The following PRTG variants were observed in gnomAD, a reference collection of about 807,000 sequenced individuals.
PRTG encodes immunoglobulin superfamily, DCC subclass, member 5.
PRTG carries 67 observed loss-of-function variants against 122.5 expected under a neutral mutation model. That is an observed-to-expected ratio of 0.55 (90% CI 0.45 to 0.67). PRTG has a LOEUF of 0.67. Among genes scored for constraint, PRTG ranks in the 30% least tolerant of loss-of-function variants. The probability of loss-of-function intolerance (pLI) is 0.00; values close to 1 mark genes in which losing one functional copy is unlikely to be tolerated. For missense variants in PRTG, 1,435 were observed against 1,415.4 expected, an observed-to-expected ratio of 1.01 and a Z score of -0.22; for synonymous variants, 554 against 501.1, an observed-to-expected ratio of 1.11 and a Z score of -1.41.
At position 55,743,091 on chromosome 15, in the gene PRTG, C is replaced by T. The variant is rs2141903190; in HGVS notation, c.-160G>A. 4 of 1,284,366 alleles carry T rather than the reference C, an allele frequency of 3.1e-6. No homozygotes were observed. The highest frequency in any genetic ancestry group is 3.9e-6 in the Non-Finnish European group (4 of 1,020,436). The allele number at this position is 1,284,366 out of a possible 1,614,324, so 79.6% of individuals were successfully genotyped here. ...GGCGAGCGTCTCTGCGGCGGCGAGG[C>T]TGGTGCTCGGACGGCCGCTCGCGAG... is the stretch of plus-strand genomic sequence containing the variant. On this transcript the variant is annotated 5_prime_UTR_variant, in exon 1 of 20. Transcript: ENST00000389286.
chr15:55,694,662 G>A (rs967074936), intron 2 of PRTG, among the ~76,000 whole-genome samples: 5 of 152,134 alleles, frequency 3.3e-5, no homozygotes, highest in African/African-American at 1.2e-4. Context: ...TCTTTTAAGT[G>A]AGGCATTAAA....
At chr15:55,623,490 C>T (rs1168176599) in intron 18 of PRTG, among the ~76,000 whole-genome samples, 2 of 152,034 alleles carry the variant, frequency 1.3e-5, no homozygotes, top group Non-Finnish European at 2.9e-5. Flanking sequence ...TCGCTCGAAC[C>T]GGGAGGTGGA....
At chr15:55,717,825 T>C (rs1326479404) in intron 2 of PRTG, among the ~76,000 whole-genome samples, 1 of 152,256 alleles carries the variant, frequency 6.6e-6, no homozygotes, top group Non-Finnish European at 1.5e-5. Context: ...CTGACTCTCT[T>C]TTGGGACTCA....
At chr15:55,688,409 T>C (rs982719765) in intron 2 of PRTG, among the ~76,000 whole-genome samples, 2 of 150,606 alleles carry the variant, frequency 1.3e-5, no homozygotes, top group Admixed American at 1.3e-4. Context: ...GATTATATCC[T>C]CTTTTAGTTT....
At chr15:55,729,680 T>G (rs2031163006) in intron 2 of PRTG, among the ~76,000 whole-genome samples, 1 of 152,162 alleles carries the variant, frequency 6.6e-6, no homozygotes, top group Non-Finnish European at 1.5e-5. Context: ...TTTTTTTAAT[T>G]CCATGATAGA....
chr15:55,705,874 GAGA>G (rs1462445639), intron 2 of PRTG, among the ~76,000 whole-genome samples: 1 of 73,736 alleles, frequency 1.4e-5, no homozygotes, highest in African/African-American at 4.1e-5. Flanking sequence ...TTTTTTTTCT[GAGA>G]AGGAGTCTCA....
chr15:55,640,082 A>G (rs1050420498), intron 12 of PRTG: 2 of 457,506 alleles, frequency 4.4e-6, no homozygotes, highest in African/African-American at 4.2e-5. Context: ...GTTTTTCATC[A>G]GGGGATTTCA....
intron 2 of PRTG, among the ~76,000 whole-genome samples, chr15:55,696,822 G>C (rs2059634507): frequency 6.6e-6 from 1 of 152,024 alleles, no homozygotes; most frequent in African/African-American, 2.4e-5. Flanking sequence ...CTGACAACCA[G>C]GTGCCATGAA....
intron 14 of PRTG, among the ~76,000 whole-genome samples, chr15:55,638,208 G>A (rs974122423): frequency 2.0e-5 from 3 of 152,074 alleles, no homozygotes; most frequent in South Asian, 2.1e-4. Flanking sequence ...TCATTATAAC[G>A]TTGGCTCCTA....
intron 11 of PRTG, among the ~76,000 whole-genome samples, chr15:55,642,009 C>T (rs1055617821): frequency 7.3e-5 from 11 of 150,634 alleles, no homozygotes; most frequent in Non-Finnish European, 1.0e-4. Context: ...CCCGTCTCTA[C>T]TAAAAATACA....
At chr15:55,642,144 G>A (rs2059294627) in intron 11 of PRTG, among the ~76,000 whole-genome samples, 1 of 129,184 alleles carries the variant, frequency 7.7e-6, no homozygotes, top group Non-Finnish European at 1.5e-5. Flanking sequence ...ACTGCAGTCC[G>A]CAGTCCGGCC....
intron 2 of PRTG, among the ~76,000 whole-genome samples, chr15:55,706,819 G>A (rs1355479755): frequency 6.6e-6 from 1 of 152,016 alleles, no homozygotes; most frequent in African/African-American, 2.4e-5. Flanking sequence ...GACACAGAGA[G>A]ACAGGGTGAC....
intron 2 of PRTG, among the ~76,000 whole-genome samples, chr15:55,732,577 C>T (rs2031273005): frequency 1.3e-5 from 2 of 151,316 alleles, no homozygotes; most frequent in Admixed American, 6.6e-5. Context: ...TTACTGCAAC[C>T]TCCGCCTCCT....
chr15:55,725,223 G>A (rs2030981994), intron 2 of PRTG, among the ~76,000 whole-genome samples: 2 of 152,140 alleles, frequency 1.3e-5, no homozygotes, highest in Non-Finnish European at 2.9e-5. Context: ...AAACTAGATT[G>A]TTACAAATTG....
At chr15:55,625,440 GATTA>G (rs929950714) in intron 17 of PRTG, among the ~76,000 whole-genome samples, 7 of 151,714 alleles carry the variant, frequency 4.6e-5, no homozygotes, top group South Asian at 2.1e-4. Context: ...TTGTAAACAT[GATTA>G]ATTGTGTTTT....
At chr15:55,631,393 C>A (rs938675411) in intron 15 of PRTG, among the ~76,000 whole-genome samples, 4 of 152,274 alleles carry the variant, frequency 2.6e-5, no homozygotes, top group African/African-American at 4.8e-5. Flanking sequence ...CTACCAGAAA[C>A]TAAGTCTTTT....
intron 11 of PRTG, among the ~76,000 whole-genome samples, chr15:55,663,144 C>T (rs551390049): frequency 1.5e-4 from 23 of 152,302 alleles, no homozygotes; most frequent in African/African-American, 4.8e-4. Context: ...TAACAGTTAT[C>T]GAGCACTTAC....
In PRTG at chr15:55,697,325, GCC is replaced by G. The variant is rs369551198; in HGVS notation, c.398-13396_398-13395del. On this transcript the variant is annotated intron_variant, in intron 2 of 19. Coordinates refer to ENST00000389286, the MANE Select transcript of PRTG (RefSeq NM_173814.6). Reference sequence around the variant, plus strand: ...GTCTTACTTGTCTGTGTTGCTAACAGCCAGAACAGTGCCCTGCATACAACAGG... The same window carrying G: ...GTCTTACTTGTCTGTGTTGCTAACAGAGAACAGTGCCCTGCATACAACAGG... Among the ~76,000 whole-genome samples the G allele has an allele frequency of 2.4e-4, 36 of 152,238 alleles. No homozygotes were observed. In the South Asian group the frequency reaches 7.5e-3, roughly 32 times the overall value.
chr15:55,742,907 C>G lies in PRTG; in HGVS notation c.25G>C (p.Ala9Pro), dbSNP rs2141902680. 10 of 1,528,126 alleles carry G rather than the reference C, an allele frequency of 6.5e-6. No homozygotes were observed. The highest frequency in any genetic ancestry group is 8.8e-6 in the Non-Finnish European group (10 of 1,137,018). 94.7% of individuals were successfully genotyped at this position (1,528,126 alleles called of 1,614,324 possible). MAPPLRPL[A>P]RLRPPGMLLR... ...AGCATCCCCGGCGGTCGCAGCCGGG[C>G]GAGGGGTCGCAGAGGAGGCGCCATT... The change falls in exon 1 of 20, where the codon GCC (alanine) becomes CCC (proline). Residue 9 changes from alanine to proline, a missense_variant. Ala to Pro is a conservative substitution (Grantham distance 27, BLOSUM62 -1). Transcript: ENST00000389286.
Sources: allele counts gnomAD v4.1 joint callset (sites outside exome capture counted in the v4.1 genomes callset), GRCh38; gene constraint gnomAD v4.1.1; transcripts MANE v1.5; gene names NCBI Gene and HGNC (gene_info 2026-07-23, HGNC 2026-07-21).